BRAF: variants seen among roughly 807,000 people sequenced by gnomAD.
BRAF encodes B-Raf proto-oncogene, serine/threonine kinase, also known as serine/threonine-protein kinase B-raf.
BRAF carries 16 observed loss-of-function variants against 104.6 expected under a neutral mutation model. That is an observed-to-expected ratio of 0.15 (90% CI 0.10 to 0.23). BRAF has a LOEUF of 0.23. Ranked by LOEUF, BRAF falls within the 10% of genes least tolerant of loss-of-function variation. The probability of loss-of-function intolerance (pLI) is 1.00; values close to 1 mark genes in which losing one functional copy is unlikely to be tolerated. For synonymous variants in BRAF, 310 were observed against 341.6 expected (o/e 0.91, Z 1.02); for missense variants, 541 against 937.3 (o/e 0.58, Z 5.52).
rs531030092 is a variant in BRAF at position 140,720,145 on chromosome 7, T to C, written c.*6349A>G. On this transcript the variant is annotated 3_prime_UTR_variant, in exon 20 of 20. Coordinates refer to ENST00000644969, the MANE Select transcript of BRAF (RefSeq NM_001374258.1). The stretch of plus-strand genomic sequence containing the variant: ...TGATCAAATTCAATCCCCTGATCAG[T>C]TGTATGATCCTATCTTAGGAAAGGC... 8 of 1,061,104 alleles carry C rather than the reference T, an allele frequency of 7.5e-6. No homozygotes were observed. The African/African-American group carries it at 9.8e-5, about 13-fold the overall frequency. The allele number at this position is 1,061,104 out of a possible 1,614,324, so 65.7% of individuals were successfully genotyped here. A position where few individuals can be genotyped will look rare whatever the true frequency, so the allele number is the denominator to read the frequency against.
At chr7:140,750,639 A>G (rs1009306466) in intron 16 of BRAF, among the ~76,000 whole-genome samples, 4 of 152,356 alleles carry the variant, frequency 2.6e-5, no homozygotes, top group African/African-American at 7.2e-5. Context: ...CATTTTGTTC[A>G]TAGTTGCTTT....
chr7:140,914,679 T>C (rs1052610694), intron 1 of BRAF, among the ~76,000 whole-genome samples: 8 of 152,142 alleles, frequency 5.3e-5, no homozygotes, highest in Non-Finnish European at 1.2e-4. Context: ...AAAGATGGGA[T>C]ATTTTTATGA....
At chr7:140,744,739 A>C (rs1053489660) in intron 17 of BRAF, among the ~76,000 whole-genome samples, 1 of 152,190 alleles carries the variant, frequency 6.6e-6, no homozygotes, top group African/African-American at 2.4e-5. Context: ...ACATTAATTG[A>C]AGGGAAAAGA....
At chr7:140,812,349 A>T (rs1330831757) in intron 3 of BRAF, among the ~76,000 whole-genome samples, 1 of 152,076 alleles carries the variant, frequency 6.6e-6, no homozygotes. Flanking sequence ...TATAATCTTA[A>T]ATTTCACTAG....
At chr7:140,882,371 CTTTT>C (rs1232247923) in intron 1 of BRAF, among the ~76,000 whole-genome samples, 3 of 126,630 alleles carry the variant, frequency 2.4e-5, no homozygotes, top group Non-Finnish European at 3.3e-5. Flanking sequence ...ATCAAAGTAT[CTTTT>C]TTTTTTTTTT....
chr7:140,839,591 A>G (rs969953693), intron 2 of BRAF, among the ~76,000 whole-genome samples: 1 of 152,110 alleles, frequency 6.6e-6, no homozygotes, highest in Admixed American at 6.5e-5. Context: ...TTGGCTGGGC[A>G]TGGTGGCATG....
chr7:140,749,836 T>C (rs373111442), intron 16 of BRAF, among the ~76,000 whole-genome samples: 16 of 152,308 alleles, frequency 1.1e-4, no homozygotes, highest in African/African-American at 3.6e-4. Context: ...TGTCTTACAA[T>C]TTAAGTTTTC....
chr7:140,838,273 T>C lies in BRAF; in HGVS notation c.241-3401A>G, dbSNP rs545688777. Among the ~76,000 whole-genome samples the C allele has an allele frequency of 4.6e-5, 7 of 152,370 alleles. No homozygotes were observed. In the South Asian group the frequency reaches 1.0e-3, roughly 23 times the overall value. On this transcript the variant is annotated intron_variant, in intron 2 of 19. Coordinates refer to ENST00000644969, the MANE Select transcript of BRAF (RefSeq NM_001374258.1). The stretch of plus-strand genomic sequence containing the variant: ...GAATATTTTATCATACTCTTCTTTA[T>C]ATGGCAAATTTTTCTCAACTTCAAA...
At position 140,784,730 on chromosome 7, in the gene BRAF, C is replaced by T. The variant is rs193184404; in HGVS notation, c.1297+959G>A. The stretch of plus-strand genomic sequence containing the variant: ...TGTGATCTCGGCTCACTGCAACCTC[C>T]GCCTCCTGGGTTCAAGCGATTCTCC... On this transcript the variant is annotated intron_variant, in intron 10 of 19. Coordinates refer to ENST00000644969, the MANE Select transcript of BRAF (RefSeq NM_001374258.1). 4.1e-3 allele frequency among the ~76,000 whole-genome samples: 612 copies of T among 150,428 alleles called. 1 individual carries two copies. The highest frequency in any genetic ancestry group is 6.5e-3 in the Non-Finnish European group (439 of 67,408).
chr7:140,924,041 T>C lies in BRAF; in HGVS notation c.138+525A>G, dbSNP rs1469226509. 1.3e-5 allele frequency among the ~76,000 whole-genome samples: 2 copies of C among 151,584 alleles called. No homozygotes were observed. Among genetic ancestry groups the C allele is most frequent in the East Asian group, 1.9e-4 (1 of 5,158 alleles). ...AAACAGGTGAAGAGAAATCCCCAAA[T>C]AGAAAAGTGAAAAAGGGCAGCGGAC... On this transcript the variant is annotated intron_variant, in intron 1 of 19. Coordinates refer to ENST00000644969, the MANE Select transcript of BRAF (RefSeq NM_001374258.1). This position sits in a 1 kb window ranked among gnomAD's most constrained non-coding sequence, Gnocchi z 4.2.
intron 1 of BRAF, among the ~76,000 whole-genome samples, chr7:140,920,984 T>G (rs1371570962): frequency 2.6e-5 from 4 of 152,212 alleles, no homozygotes; most frequent in Non-Finnish European, 5.9e-5. Context: ...AGATGTATTT[T>G]AATACAGTGG....
At chr7:140,777,280 T>G (rs1346154608) in intron 13 of BRAF, among the ~76,000 whole-genome samples, 192 bp from the exon 13 acceptor site, 1 of 152,084 alleles carries the variant, frequency 6.6e-6, no homozygotes, top group Non-Finnish European at 1.5e-5. Context: ...TATGCAGAGA[T>G]ATCTTTTTAA....
intron 18 of BRAF, among the ~76,000 whole-genome samples, chr7:140,737,917 T>C (rs1796572612): frequency 6.6e-6 from 1 of 152,232 alleles, no homozygotes; most frequent in African/African-American, 2.4e-5. Flanking sequence ...TTTAGAAGTA[T>C]GGAGCTAAGC....
intron 14 of BRAF, among the ~76,000 whole-genome samples, chr7:140,769,707 A>G (rs747649238): frequency 1.5e-4 from 23 of 152,112 alleles, no homozygotes; most frequent in South Asian, 4.1e-4. Context: ...CAATTTTTCA[A>G]TAAGTTTTTC....
chr7:140,837,710 T>C (rs1396981498), intron 2 of BRAF, among the ~76,000 whole-genome samples: 2 of 152,344 alleles, frequency 1.3e-5, no homozygotes, highest in East Asian at 3.9e-4. Flanking sequence ...ATGCTTGTTT[T>C]TAACATCATA....
chr7:140,831,693 T>C (rs1806770070), intron 3 of BRAF, among the ~76,000 whole-genome samples: 3 of 152,168 alleles, frequency 2.0e-5, no homozygotes, highest in Non-Finnish European at 2.9e-5. Flanking sequence ...TATCAGGCCA[T>C]GACCTTTAAA....
At chr7:140,869,710 T>G (rs1811363144) in intron 1 of BRAF, among the ~76,000 whole-genome samples, 1 of 152,138 alleles carries the variant, frequency 6.6e-6, no homozygotes, top group African/African-American at 2.4e-5. Flanking sequence ...TATCTGCACA[T>G]GTACAACTTA....
chr7:140,735,725 T>G (rs1180966818), intron 18 of BRAF, among the ~76,000 whole-genome samples: 1 of 151,736 alleles, frequency 6.6e-6, no homozygotes, highest in African/African-American at 2.4e-5. Context: ...CCCAGCTAAA[T>G]TTTTGTATTT....
intron 14 of BRAF, among the ~76,000 whole-genome samples, chr7:140,757,889 C>T (rs1798337815): frequency 6.6e-6 from 1 of 152,152 alleles, no homozygotes; most frequent in African/African-American, 2.4e-5. Context: ...CCAGTATGAA[C>T]CCAGTTAAAT....
Sources: gnomAD v4.1 joint callset for allele counts (sites outside exome capture counted in the v4.1 genomes callset) on GRCh38, gnomAD v4.1.1 for gene constraint, Gnocchi (gnomAD v3.1) non-coding constraint, MANE v1.5 for transcripts, NCBI Gene and HGNC (gene_info 2026-07-23, HGNC 2026-07-21) for gene names.